Variants in STXBP5 observed in about 807,000 individuals in gnomAD.
STXBP5 encodes the protein syntaxin-binding protein 5.
Under a neutral mutation model 152.4 loss-of-function variants are expected in STXBP5, and 50 were observed. That is an observed-to-expected ratio of 0.33 (90% CI 0.26 to 0.42). The LOEUF is 0.42. Ranked by LOEUF, STXBP5 falls within the 10% of genes least tolerant of loss-of-function variation. STXBP5 has a pLI of 1.00. For synonymous variants in STXBP5, 492 were observed against 494.7 expected, an observed-to-expected ratio of 0.99 and a Z score of 0.07; for missense variants, 1,167 against 1,388.6, an observed-to-expected ratio of 0.84 and a Z score of 2.54.
chr6:147,223,350 G>C (rs563881226), intron 2 of STXBP5, among the ~76,000 whole-genome samples: 2 of 152,100 alleles, frequency 1.3e-5, no homozygotes, highest in South Asian at 4.2e-4. Context: ...GTTCATCTTT[G>C]GTAAAGACTT....
intron 22 of STXBP5, 125 bp downstream of exon 22, chr6:147,353,498 G>A (rs984760658): frequency 1.9e-6 from 1 of 529,004 alleles, no homozygotes; most frequent in Non-Finnish European, 3.3e-6. Context: ...AGATGCTTAA[G>A]GTTTAAACAT....
chr6:147,204,430 T>C lies in STXBP5; in HGVS notation c.-103T>C. ...CTCCTTACCCTCACACTCCCACTCC[T>C]CCGTTTCCGCGGTCGAAGCTGCCTT... On this transcript the variant is annotated 5_prime_UTR_variant, in exon 1 of 28. Transcript: ENST00000321680. This position sits in a 1 kb window ranked among gnomAD's most constrained non-coding sequence, Gnocchi z 4.3. 8.8e-7 allele frequency: 1 copy of C among 1,140,800 alleles called. No individual in the cohort carries two copies. The highest frequency in any genetic ancestry group is 1.3e-6 in the Non-Finnish European group (1 of 794,416). 70.7% of individuals were successfully genotyped at this position (1,140,800 alleles called of 1,614,324 possible).
At chr6:147,351,334 G>A (rs568468446) in intron 21 of STXBP5, among the ~76,000 whole-genome samples, 3 of 152,204 alleles carry the variant, frequency 2.0e-5, no homozygotes, top group South Asian at 2.1e-4. Context: ...CTAGAGAGGC[G>A]GCATCCATAT....
chr6:147,312,504 G>A (rs1582927750), intron 11 of STXBP5, among the ~76,000 whole-genome samples: 1 of 152,078 alleles, frequency 6.6e-6, no homozygotes. Context: ...AGAATATATG[G>A]CGATCTCTGT....
intron 2 of STXBP5, among the ~76,000 whole-genome samples, chr6:147,226,846 A>C (rs891662828): frequency 6.6e-6 from 1 of 152,224 alleles, no homozygotes; most frequent in Non-Finnish European, 1.5e-5. Flanking sequence ...TGAGTTAAGC[A>C]AACATGGTTA....
chr6:147,223,321 A>G (rs550599182), intron 2 of STXBP5, among the ~76,000 whole-genome samples: 12 of 152,308 alleles, frequency 7.9e-5, no homozygotes, highest in African/African-American at 2.6e-4. Context: ...AATATACAAA[A>G]TGAAGTGCTC....
intron 25 of STXBP5, 148 bp downstream of exon 25, chr6:147,364,314 T>C (rs945851075): frequency 2.9e-6 from 2 of 678,478 alleles, no homozygotes; most frequent in Admixed American, 6.1e-5. Context: ...TCAGAGCACA[T>C]GCTTTGAGAC....
rs1000584986 is a variant in STXBP5 at position 147,390,348 on chromosome 6, A to G, written c.*5593A>G. 6.6e-6 allele frequency: 1 copy of G among 152,006 alleles called. No individual in the cohort carries two copies. Among genetic ancestry groups the G allele is most frequent in the South Asian group, 2.1e-4 (1 of 4,832 alleles). 9.4% of individuals were successfully genotyped at this position (152,006 alleles called of 1,614,324 possible). On this transcript the variant is annotated 3_prime_UTR_variant, in exon 28 of 28. Transcript: ENST00000321680. ...ATAAATACCGTTAAGCTGGTATTTT[A>G]AAAAATGTATTATAAATTAATTAAT...
chr6:147,322,880 C>G (rs1056877565), intron 16 of STXBP5, among the ~76,000 whole-genome samples: 1 of 151,982 alleles, frequency 6.6e-6, no homozygotes, highest in South Asian at 2.1e-4. Flanking sequence ...TCTTTTAAAC[C>G]CCTCTTTATC....
intron 21 of STXBP5, among the ~76,000 whole-genome samples, chr6:147,352,640 G>A (rs1320647236): frequency 6.6e-6 from 1 of 152,102 alleles, no homozygotes; most frequent in Non-Finnish European, 1.5e-5. Flanking sequence ...GAACCCAGTA[G>A]CTATGAAGAT....
At chr6:147,362,922 A>C (rs1387570300) in intron 23 of STXBP5, among the ~76,000 whole-genome samples, 7 of 152,188 alleles carry the variant, frequency 4.6e-5, no homozygotes. Context: ...GCGCGTTCCC[A>C]GTGCTCTGCA....
chr6:147,258,931 G>A (rs1194516525), intron 4 of STXBP5, among the ~76,000 whole-genome samples: 1 of 151,930 alleles, frequency 6.6e-6, no homozygotes, highest in East Asian at 1.9e-4. Context: ...TCACTCTTCT[G>A]TTCCTACATG....
intron 27 of STXBP5, among the ~76,000 whole-genome samples, chr6:147,383,559 A>G (rs1157137118): frequency 6.6e-6 from 1 of 152,070 alleles, no homozygotes; most frequent in African/African-American, 2.4e-5. Flanking sequence ...CTTACACCAC[A>G]TCGTGCTCTT....
chr6:147,309,987 A>C, intron 9 of STXBP5, 97 bp from the exon 10 acceptor site: 1 of 867,060 alleles, frequency 1.2e-6, no homozygotes, highest in Non-Finnish European at 1.6e-6. Context: ...GTTAGAATTT[A>C]AGATTTTGTT....
rs1786331138 is a variant in STXBP5 at position 147,386,207 on chromosome 6, T to C, written c.*1452T>C. ...CCCAGCAAAAGCAAAATGGAAGCAT[T>C]AAAATTAATGTTAATGAAATTTAAA... On this transcript the variant is annotated 3_prime_UTR_variant, in exon 28 of 28. Coordinates refer to ENST00000321680, the MANE Select transcript of STXBP5 (RefSeq NM_001127715.4). The C allele has an allele frequency of 6.6e-6, 1 of 151,936 alleles. No homozygotes were observed. The highest frequency in any genetic ancestry group is 2.1e-4 in the South Asian group (1 of 4,826). 9.4% of individuals were successfully genotyped at this position (151,936 alleles called of 1,614,324 possible).
rs183802550 is a variant in STXBP5, at chr6:147,387,465, T to A, written c.*2710T>A. The A allele has an allele frequency of 6.6e-6, 1 of 151,872 alleles. No individual in the cohort carries two copies. The highest frequency in any genetic ancestry group is 1.9e-4 in the East Asian group (1 of 5,158). 9.4% of individuals were successfully genotyped at this position (151,872 alleles called of 1,614,324 possible). A position where few individuals can be genotyped will look rare whatever the true frequency, so the allele number is the denominator to read the frequency against. On this transcript the variant is annotated 3_prime_UTR_variant, in exon 28 of 28. Transcript: ENST00000321680. The stretch of plus-strand genomic sequence containing the variant: ...TAGTTTGTAAGTAGGAAGTGGTTTT[T>A]CTGTATGTACCATATATCCAGTTCA...
At chr6:147,298,368 T>C (rs1050110993) in intron 9 of STXBP5, among the ~76,000 whole-genome samples, 2 of 152,058 alleles carry the variant, frequency 1.3e-5, no homozygotes. Context: ...AGAGAGAAAC[T>C]GCAGTAGGTA....
At chr6:147,275,749 G>A (rs1445814100) in intron 7 of STXBP5, among the ~76,000 whole-genome samples, 2 of 151,364 alleles carry the variant, frequency 1.3e-5, no homozygotes, top group Non-Finnish European at 2.9e-5. Context: ...GGTAGAGACG[G>A]GGTTTCACCG....
intron 9 of STXBP5, among the ~76,000 whole-genome samples, chr6:147,294,647 C>T (rs1168719959): frequency 2.0e-5 from 3 of 151,990 alleles, no homozygotes; most frequent in Non-Finnish European, 2.9e-5. Context: ...AAGAGAAAGG[C>T]TGTGATTTAA....
Sources: gnomAD v4.1 joint callset for allele counts (sites outside exome capture counted in the v4.1 genomes callset) on GRCh38, gnomAD v4.1.1 for gene constraint, Gnocchi (gnomAD v3.1) non-coding constraint, MANE v1.5 for transcripts, NCBI Gene and HGNC (gene_info 2026-07-23, HGNC 2026-07-21) for gene names.